IFT57: variants seen among roughly 807,000 people sequenced by gnomAD.
IFT57 encodes intraflagellar transport 57, also known as intraflagellar transport protein 57 homolog.
Under a neutral mutation model 56.8 loss-of-function variants are expected in IFT57, and 59 were observed. The ratio of observed to expected loss-of-function variants is 1.04; its 90% CI spans 0.84 to 1.29. IFT57 has a LOEUF of 1.29. IFT57 is among the 50% of genes most tolerant of loss of function. IFT57 has a pLI of 0.00. For missense variants in IFT57, 470 were observed against 522.1 expected (o/e 0.90, Z 0.97); for synonymous variants, 209 against 186.1 (o/e 1.12, Z -1.00).
At chr3:108,166,138 A>C (rs886784207) in intron 8 of IFT57, among the ~76,000 whole-genome samples, 1 of 152,078 alleles carries the variant, frequency 6.6e-6, no homozygotes, top group African/African-American at 2.4e-5. Flanking sequence ...GAAGTATCTC[A>C]AATTTACTTC....
intron 6 of IFT57, among the ~76,000 whole-genome samples, chr3:108,184,361 C>T (rs1462070957): frequency 1.3e-5 from 2 of 151,850 alleles, no homozygotes; most frequent in African/African-American, 4.8e-5. Context: ...AATAAATATA[C>T]AAAAAAATTT....
At chr3:108,169,033 T>C (rs1304264958) in intron 6 of IFT57, among the ~76,000 whole-genome samples, 1 of 152,024 alleles carries the variant, frequency 6.6e-6, no homozygotes, top group Non-Finnish European at 1.5e-5. Flanking sequence ...CTGGGTCAAA[T>C]GGTATTTCTG....
At position 108,222,215 on chromosome 3, in the gene IFT57, C is replaced by T. The variant is rs2107225882; in HGVS notation, c.108G>A (p.Ala36=). The T allele has an allele frequency of 6.2e-7, 1 of 1,614,112 alleles. No homozygotes were observed. Among genetic ancestry groups the T allele is most frequent in the Non-Finnish European group, 8.5e-7 (1 of 1,180,020 alleles). The change falls in exon 1 of 11, where the codon GCG becomes GCA. Residue 36 remains alanine, a synonymous_variant. Coordinates refer to ENST00000264538, the MANE Select transcript of IFT57 (RefSeq NM_018010.4). The part of the protein sequence containing the change: ...GEVVLERGPG[A]AYHMFVVMED... Reference sequence around the variant, plus strand: ...CCATCACCACGAACATGTGGTAGGCCGCGCCGGGCCCCCGCTCCAAGACCA... The same window carrying T: ...CCATCACCACGAACATGTGGTAGGCTGCGCCGGGCCCCCGCTCCAAGACCA...
At chr3:108,205,895 T>C (rs1401132226) in intron 5 of IFT57, among the ~76,000 whole-genome samples, 2 of 132,974 alleles carry the variant, frequency 1.5e-5, no homozygotes, top group Non-Finnish European at 3.1e-5. Context: ...ATATTTATAA[T>C]ACATAATTAT....
At chr3:108,207,012 G>A (rs1376450608) in intron 4 of IFT57, among the ~76,000 whole-genome samples, 3 of 152,058 alleles carry the variant, frequency 2.0e-5, no homozygotes, top group Non-Finnish European at 2.9e-5. Context: ...TAAAAACAGG[G>A]CAAGAAACAA....
At chr3:108,171,937 G>A (rs1000011441) in intron 6 of IFT57, among the ~76,000 whole-genome samples, 1 of 144,228 alleles carries the variant, frequency 6.9e-6, no homozygotes, top group Non-Finnish European at 1.5e-5. Context: ...CCATATATAT[G>A]TATTTAGAAA....
At chr3:108,208,709 A>G (rs1428849452) in intron 4 of IFT57, among the ~76,000 whole-genome samples, 1 of 152,218 alleles carries the variant, frequency 6.6e-6, no homozygotes, top group African/African-American at 2.4e-5. Flanking sequence ...ACCAGAAGAT[A>G]CAACAATGAT....
chr3:108,167,804 T>G lies in IFT57; in HGVS notation c.838A>C (p.Lys280Gln), dbSNP rs765650032. Residue 280 changes from lysine to glutamine, a missense_variant, in exon 7 of 11, where the codon AAG (lysine) becomes CAG (glutamine). By Grantham distance (53) the Lys-to-Gln change is moderately conservative. Transcript: ENST00000264538. ...AGTAATTCATATACCTTGGTCTCCT[T>G]TAGAGCAGATTCAATTCCACTTCTG... ...QHRSGIESAL[K>Q]ETKGFLDKLH... is the part of the protein sequence containing the mutation. 6 of 1,589,564 alleles carry G rather than the reference T, an allele frequency of 3.8e-6. No individual in the cohort carries two copies. The highest frequency in any genetic ancestry group is 5.1e-6 in the Non-Finnish European group (6 of 1,168,342).
chr3:108,188,990 C>G (rs992198519), intron 6 of IFT57, among the ~76,000 whole-genome samples: 2 of 152,144 alleles, frequency 1.3e-5, no homozygotes, highest in South Asian at 2.1e-4. Context: ...GAGTTTCCAA[C>G]TATACAATTA....
chr3:108,215,916 A>C (rs1576051537), intron 3 of IFT57, among the ~76,000 whole-genome samples: 1 of 152,170 alleles, frequency 6.6e-6, no homozygotes, highest in South Asian at 2.1e-4. Flanking sequence ...AGTACTGGGG[A>C]AACTGGATAT....
Position 108,222,012 on chromosome 3 carries a change from G to T in IFT57, c.212+99C>A, listed in dbSNP as rs535199847. The T allele has an allele frequency of 6.1e-5, 92 of 1,513,464 alleles. No homozygotes were observed. The African/African-American group carries it at 1.2e-3, about 20-fold the overall frequency. The allele number at this position is 1,513,464 out of a possible 1,614,324, so 93.8% of individuals were successfully genotyped here. ...GCTAGGAAGACGGAGGCAAGGAATT[G>T]CTAACCCGCTCTCACGAAACTGGTT... On this transcript the variant is annotated intron_variant, in intron 1 of 10. Transcript: ENST00000264538.
At chr3:108,221,437 C>T (rs992946053) in intron 1 of IFT57, among the ~76,000 whole-genome samples, 1 of 152,174 alleles carries the variant, frequency 6.6e-6, no homozygotes, top group African/African-American at 2.4e-5. Context: ...TTTCCCCCAC[C>T]GGAACAAGGG....
intron 6 of IFT57, among the ~76,000 whole-genome samples, chr3:108,177,988 C>T (rs558396420): frequency 6.6e-6 from 1 of 151,998 alleles, no homozygotes; most frequent in East Asian, 1.9e-4. Flanking sequence ...CACACACACA[C>T]ACAGCTAGAT....
At chr3:108,185,794 A>C (rs532150157) in intron 6 of IFT57, among the ~76,000 whole-genome samples, 2 of 152,264 alleles carry the variant, frequency 1.3e-5, no homozygotes, top group East Asian at 3.9e-4. Flanking sequence ...CTTGACAGGA[A>C]GAGATAATCA....
chr3:108,190,255 T>C (rs1309179133), intron 6 of IFT57, among the ~76,000 whole-genome samples: 2 of 152,182 alleles, frequency 1.3e-5, no homozygotes, highest in African/African-American at 4.8e-5. Context: ...CAGGAAGGCA[T>C]GATTGTGTTC....
At chr3:108,197,128 T>A (rs1031796123) in intron 5 of IFT57, among the ~76,000 whole-genome samples, 3 of 152,198 alleles carry the variant, frequency 2.0e-5, no homozygotes, top group Non-Finnish European at 4.4e-5. Context: ...AATTCCATTT[T>A]CCAGTTACTG....
At chr3:108,183,237 T>G (rs2080161470) in intron 6 of IFT57, among the ~76,000 whole-genome samples, 1 of 152,078 alleles carries the variant, frequency 6.6e-6, no homozygotes, top group South Asian at 2.1e-4. Context: ...GATTGATGAC[T>G]TTAGAAGCCA....
At chr3:108,164,444 C>T (rs1445967266) in intron 9 of IFT57, among the ~76,000 whole-genome samples, 1 of 151,960 alleles carries the variant, frequency 6.6e-6, no homozygotes, top group East Asian at 1.9e-4. Context: ...ATTATTGTGA[C>T]TTAGTAGGCT....
intron 5 of IFT57, among the ~76,000 whole-genome samples, chr3:108,204,541 C>T (rs1396939548): frequency 6.6e-6 from 1 of 152,186 alleles, no homozygotes; most frequent in African/African-American, 2.4e-5. Flanking sequence ...TCTGTTTACA[C>T]CATCAATATA....
Sources: allele counts gnomAD v4.1 joint callset (sites outside exome capture counted in the v4.1 genomes callset), GRCh38; gene constraint gnomAD v4.1.1; transcripts MANE v1.5; gene names NCBI Gene and HGNC (gene_info 2026-07-23, HGNC 2026-07-21).